The following ULK4 variants were observed in gnomAD, a reference collection of about 807,000 sequenced individuals.
ULK4 encodes inactive serine/threonine-protein kinase ULK4.
ULK4 carries 133 observed loss-of-function variants against 160.6 expected under a neutral mutation model. The observed-to-expected ratio is 0.83, with a 90% CI of 0.72 to 0.96. The LOEUF is 0.96. Ranked by LOEUF, ULK4 falls within the 40% of genes least tolerant of loss-of-function variation. The pLI is 0.00. For missense variants in ULK4, 1,580 were observed against 1,499.5 expected, an observed-to-expected ratio of 1.05 and a Z score of -0.89; for synonymous variants, 534 against 539.8, an observed-to-expected ratio of 0.99 and a Z score of 0.15.
chr3:41,455,542 C>G lies in ULK4; in HGVS notation c.3447G>C (p.Leu1149=), dbSNP rs975307206. Residue 1149 remains leucine, a synonymous_variant, in exon 34 of 37, where the codon CTG becomes CTC. Transcript: ENST00000301831. ...EDPQAAEDLL[L]LNRPLTDLIS... is the part of the protein sequence containing the mutation. Reference sequence around the variant, plus strand: ...TCAGGTCTGTCAGAGGTCTGTTGAGCAGCAGCAGGTCTTCTGCAGCCTGAG... The same window carrying G: ...TCAGGTCTGTCAGAGGTCTGTTGAGGAGCAGCAGGTCTTCTGCAGCCTGAG... The G allele has an allele frequency of 6.2e-7, 1 of 1,614,002 alleles. No homozygotes were observed. The highest frequency in any genetic ancestry group is 8.5e-7 in the Non-Finnish European group (1 of 1,179,908).
At chr3:41,647,436 G>C (rs1461753255) in intron 30 of ULK4, among the ~76,000 whole-genome samples, 1 of 152,226 alleles carries the variant, frequency 6.6e-6, no homozygotes, top group Admixed American at 6.5e-5. Flanking sequence ...CTGCAGGTCT[G>C]TTGGAGTTTG....
chr3:41,664,024 C>T (rs968702952), intron 29 of ULK4, among the ~76,000 whole-genome samples: 3 of 152,040 alleles, frequency 2.0e-5, no homozygotes, highest in Non-Finnish European at 2.9e-5. Flanking sequence ...AACATACAGA[C>T]TCTGAAATAA....
intron 14 of ULK4, among the ~76,000 whole-genome samples, 180 bp downstream of exon 14, chr3:41,898,251 AC>A (rs1698236614): frequency 6.6e-6 from 1 of 152,242 alleles, no homozygotes; most frequent in Non-Finnish European, 1.5e-5. Flanking sequence ...AGAAATGTCA[AC>A]AGCTGGCACA....
chr3:41,534,690 C>T (rs1274142263), intron 32 of ULK4, among the ~76,000 whole-genome samples: 1 of 152,040 alleles, frequency 6.6e-6, no homozygotes, highest in African/African-American at 2.4e-5. Flanking sequence ...CTCTAAGATG[C>T]CACTGATCAT....
At chr3:41,800,543 T>C (rs1221500277) in intron 19 of ULK4, among the ~76,000 whole-genome samples, 5 of 152,164 alleles carry the variant, frequency 3.3e-5, no homozygotes, top group Non-Finnish European at 7.4e-5. Flanking sequence ...ATTAGGAATA[T>C]TTCACATGAA....
At chr3:41,756,495 C>A (rs999574749) in intron 21 of ULK4, among the ~76,000 whole-genome samples, 2 of 152,126 alleles carry the variant, frequency 1.3e-5, no homozygotes, top group African/African-American at 4.8e-5. Context: ...ATCAACTCCA[C>A]TGAATACCCT....
chr3:41,683,417 C>A (rs1463216368), intron 27 of ULK4, among the ~76,000 whole-genome samples: 1 of 151,632 alleles, frequency 6.6e-6, no homozygotes, highest in Non-Finnish European at 1.5e-5. Context: ...CTTTTTTCTC[C>A]TCTGTGGAGG....
chr3:41,293,981 CA>C (rs1386841298), intron 35 of ULK4, among the ~76,000 whole-genome samples: 1 of 152,200 alleles, frequency 6.6e-6, no homozygotes, highest in Non-Finnish European at 1.5e-5. Context: ...AGGTGTGGAA[CA>C]GTGTGTGAAT....
chr3:41,880,817 G>A (rs1176350798), intron 17 of ULK4, among the ~76,000 whole-genome samples: 5 of 152,110 alleles, frequency 3.3e-5, no homozygotes, highest in East Asian at 1.9e-4. Flanking sequence ...CAAGCTACTC[G>A]TGAAGCTGAG....
At chr3:41,327,867 A>C (rs533288642) in intron 35 of ULK4, among the ~76,000 whole-genome samples, 8 of 152,340 alleles carry the variant, frequency 5.3e-5, no homozygotes, top group Middle Eastern at 3.4e-3. Flanking sequence ...GCAGAGGGAA[A>C]GCTTAAGACA....
At chr3:41,524,276 T>C (rs1220119420) in intron 32 of ULK4, among the ~76,000 whole-genome samples, 2 of 152,234 alleles carry the variant, frequency 1.3e-5, no homozygotes, top group South Asian at 2.1e-4. Flanking sequence ...TATCTCACTA[T>C]AGCTATTTTT....
chr3:41,513,037 G>A (rs1405806039), intron 32 of ULK4, among the ~76,000 whole-genome samples: 1 of 152,078 alleles, frequency 6.6e-6, no homozygotes, highest in African/African-American at 2.4e-5. Context: ...CAAAAAAACA[G>A]AAAGTGGGGA....
chr3:41,530,064 C>T lies in ULK4; in HGVS notation c.3226+35961G>A, dbSNP rs145898134. ...TACATAGTGAAAATAGTTGCACAAC[C>T]TCGTGAATATACTAAAAAATATACT... On this transcript the variant is annotated intron_variant, in intron 32 of 36. Transcript: ENST00000301831. Among the ~76,000 whole-genome samples, 350 of 152,134 alleles carry T rather than the reference C, an allele frequency of 2.3e-3. 1 individual carries two copies. The highest frequency in any genetic ancestry group is 7.1e-3 in the Admixed American group (108 of 15,290).
intron 32 of ULK4, among the ~76,000 whole-genome samples, chr3:41,541,131 C>T (rs9820261): frequency 0.029 from 4,350 of 152,058 alleles, 220 homozygotes; most frequent in African/African-American, 0.099. Flanking sequence ...TGGTATTGCT[C>T]AGGTTTTCTT....
chr3:41,515,715 C>T (rs927956345), intron 32 of ULK4, among the ~76,000 whole-genome samples: 3 of 152,144 alleles, frequency 2.0e-5, no homozygotes, highest in African/African-American at 7.2e-5. Flanking sequence ...ATGAGGAGAA[C>T]AGAAGGAGGG....
intron 30 of ULK4, among the ~76,000 whole-genome samples, chr3:41,616,593 C>G (rs750185850): frequency 1.3e-5 from 2 of 152,172 alleles, no homozygotes; most frequent in Non-Finnish European, 2.9e-5. Flanking sequence ...CTGTGCTACC[C>G]GGCCTGGTTA....
chr3:41,280,038 A>T (rs1363653534), intron 35 of ULK4, among the ~76,000 whole-genome samples: 3 of 152,224 alleles, frequency 2.0e-5, no homozygotes, highest in Admixed American at 2.0e-4. Flanking sequence ...ACTTTAAACC[A>T]AAAAAGATCA....
chr3:41,812,218 G>A (rs1423385227), intron 19 of ULK4, among the ~76,000 whole-genome samples: 3 of 152,174 alleles, frequency 2.0e-5, no homozygotes, highest in South Asian at 4.1e-4. Context: ...CCAGGAGGTC[G>A]AGGCTGCAGT....
intron 35 of ULK4, among the ~76,000 whole-genome samples, chr3:41,272,451 T>C (rs540734814): frequency 2.0e-5 from 3 of 150,624 alleles, no homozygotes; most frequent in East Asian, 4.1e-4. Context: ...GTATTCTCAC[T>C]TGCACTGTTT....
Sources: gnomAD v4.1 joint callset for allele counts (sites outside exome capture counted in the v4.1 genomes callset) on GRCh38, gnomAD v4.1.1 for gene constraint, MANE v1.5 for transcripts, NCBI Gene and HGNC (gene_info 2026-07-23, HGNC 2026-07-21) for gene names.